Variants in NCOR1 observed in about 807,000 individuals in gnomAD.
The protein encoded by NCOR1 is protein phosphatase 1, regulatory subunit 109.
Under a neutral mutation model 288.1 loss-of-function variants are expected in NCOR1, and 63 were observed. The observed-to-expected ratio is 0.22, with a 90% confidence interval of 0.18 to 0.27. The LOEUF (loss-of-function observed/expected upper bound fraction) is 0.27, where lower values mean the gene tolerates loss of function less well. NCOR1 is among the 10% of genes least tolerant of loss of function. The pLI, the probability that NCOR1 is intolerant of heterozygous loss-of-function variation, is 1.00. For missense variants in NCOR1, 2,397 were observed against 3,019.2 expected, an observed-to-expected ratio of 0.79 and a Z score of 4.83; for synonymous variants, 1,007 against 1,065.9, an observed-to-expected ratio of 0.94 and a Z score of 1.08.
chr17:16,170,767 G>T (rs1187544933), intron 4 of NCOR1, among the ~76,000 whole-genome samples: 1 of 151,698 alleles, frequency 6.6e-6, no homozygotes, highest in Non-Finnish European at 1.5e-5. Flanking sequence ...CCAGGACCCG[G>T]GAGGCGGAGA....
chr17:16,177,511 T>C (rs1388652389), intron 3 of NCOR1, among the ~76,000 whole-genome samples: 5 of 152,194 alleles, frequency 3.3e-5, no homozygotes, highest in Non-Finnish European at 5.9e-5. Flanking sequence ...TTCTCCTTGA[T>C]TGTTCCCACT....
intron 2 of NCOR1, among the ~76,000 whole-genome samples, chr17:16,192,614 C>A (rs955170818): frequency 9.9e-5 from 15 of 152,160 alleles, no homozygotes; most frequent in African/African-American, 3.6e-4. Context: ...TCAGATGGCA[C>A]CATAGCACTC....
At chr17:16,193,048 G>T (rs1202131604) in intron 2 of NCOR1, among the ~76,000 whole-genome samples, 3 of 152,112 alleles carry the variant, frequency 2.0e-5, no homozygotes, top group Non-Finnish European at 4.4e-5. Flanking sequence ...GGACTGACAC[G>T]GGTGGGTGCC....
chr17:16,033,942 C>T (rs552379680), intron 45 of NCOR1, among the ~76,000 whole-genome samples: 5 of 152,090 alleles, frequency 3.3e-5, no homozygotes, highest in Admixed American at 6.6e-5. Context: ...GTGATCTGCC[C>T]GCCTCAGCCT....
chr17:16,083,073 A>G (rs1224694137), intron 23 of NCOR1, among the ~76,000 whole-genome samples: 1 of 152,106 alleles, frequency 6.6e-6, no homozygotes, highest in Admixed American at 6.6e-5. Flanking sequence ...TCTACTAAAA[A>G]TACAAAAAGA....
rs542075638 is a variant in NCOR1, at chr17:16,175,399, T to G, written c.243-3404A>C. On this transcript the variant is annotated intron_variant, in intron 3 of 45. Transcript: ENST00000268712. Reference sequence around the variant, plus strand: ...TAAAAAAAAAAAAACTCTGTAGGCTTGCAGACTTTGTAAAGTTCCCCATTT... The same window carrying G: ...TAAAAAAAAAAAAACTCTGTAGGCTGGCAGACTTTGTAAAGTTCCCCATTT... Among the ~76,000 whole-genome samples, 8 of 152,068 alleles carry G rather than the reference T, an allele frequency of 5.3e-5. No individual in the cohort carries two copies. The South Asian group carries it at 1.7e-3, about 32-fold the overall frequency.
At chr17:16,088,259 TATAATA>T (rs1443161167) in intron 22 of NCOR1, among the ~76,000 whole-genome samples, 1 of 152,192 alleles carries the variant, frequency 6.6e-6, no homozygotes, top group African/African-American at 2.4e-5. Flanking sequence ...GATGATATTT[TATAATA>T]ATGAGTTTTC....
chr17:16,111,306 G>A (rs1232628108), intron 18 of NCOR1, among the ~76,000 whole-genome samples: 1 of 152,122 alleles, frequency 6.6e-6, no homozygotes, highest in African/African-American at 2.4e-5. Context: ...CACAGGCCAG[G>A]CGCAGTGGCT....
intron 44 of NCOR1, among the ~76,000 whole-genome samples, chr17:16,035,530 CTTTTTTTTT>C: frequency 8.5e-6 from 1 of 118,326 alleles, no homozygotes; most frequent in East Asian, 2.5e-4. Flanking sequence ...TTCTCTTGTT[CTTTTTTTTT>C]TTTTTTTTTT....
At chr17:16,164,506 C>T (rs186470650) in intron 5 of NCOR1, among the ~76,000 whole-genome samples, 1 of 152,222 alleles carries the variant, frequency 6.6e-6, no homozygotes, top group Admixed American at 6.5e-5. Context: ...AAGACTATTT[C>T]ATATCCAACT....
chr17:16,213,155 A>G (rs2153629460), intron 1 of NCOR1, among the ~76,000 whole-genome samples: 1 of 152,206 alleles, frequency 6.6e-6, no homozygotes, highest in African/African-American at 2.4e-5. Context: ...TTAAGAGGAT[A>G]GGCAAAACAC....
At chr17:16,114,317 C>T (rs1047181261) in intron 18 of NCOR1, among the ~76,000 whole-genome samples, 6 of 152,100 alleles carry the variant, frequency 3.9e-5, no homozygotes, top group African/African-American at 1.4e-4. Context: ...GTGGGACCTA[C>T]AATTCAAGAT....
chr17:16,194,949 T>C (rs1321217014), intron 1 of NCOR1, among the ~76,000 whole-genome samples: 1 of 152,198 alleles, frequency 6.6e-6, no homozygotes, highest in Non-Finnish European at 1.5e-5. Context: ...GTCTGAGAAA[T>C]ATAAAGACAA....
intron 2 of NCOR1, among the ~76,000 whole-genome samples, chr17:16,191,443 G>A (rs1047832478): frequency 3.9e-5 from 6 of 152,156 alleles, no homozygotes; most frequent in Non-Finnish European, 8.8e-5. Flanking sequence ...AGTAAAAAAA[G>A]TATGAAACTC....
intron 3 of NCOR1, among the ~76,000 whole-genome samples, chr17:16,175,524 T>G (rs570903852): frequency 1.3e-4 from 20 of 152,262 alleles, no homozygotes; most frequent in Admixed American, 9.8e-4. Flanking sequence ...CATTCGAACT[T>G]TAAAGAATTT....
chr17:16,119,322 A>T (rs539244267), intron 17 of NCOR1, 101 bp downstream of exon 17: 4 of 874,936 alleles, frequency 4.6e-6, no homozygotes, highest in Admixed American at 2.4e-5. Context: ...TTTTTGAAAG[A>T]ATTTTTTTTC....
chr17:16,040,454 T>A lies in NCOR1; in HGVS notation c.6720A>T (p.Ala2240=). 1 of 1,613,818 alleles carries A rather than the reference T, an allele frequency of 6.2e-7. No individual in the cohort carries two copies. The highest frequency in any genetic ancestry group is 8.5e-7 in the Non-Finnish European group (1 of 1,179,906). Residue 2240 remains alanine (A), a synonymous_variant, in exon 43 of 46, where the codon GCA becomes GCT. Coordinates refer to ENST00000268712, the MANE Select transcript of NCOR1 (RefSeq NM_006311.4). ...TTTCAATCTTACCTGACGTAGTAAC[T>A]GCTGGCAGATTAAAGATCTCAGTTC... ...QPGTEIFNLP[A]VTTSGSVSSR... is the part of the protein sequence containing the mutation.
intron 19 of NCOR1, among the ~76,000 whole-genome samples, chr17:16,104,457 C>T (rs764041153): frequency 6.6e-6 from 1 of 152,156 alleles, no homozygotes; most frequent in South Asian, 2.1e-4. Flanking sequence ...CATATTCTAG[C>T]GTGAAATAGA....
chr17:16,044,149 A>G (rs2058233849), intron 42 of NCOR1, among the ~76,000 whole-genome samples: 1 of 146,678 alleles, frequency 6.8e-6, no homozygotes, highest in Admixed American at 6.9e-5. Context: ...AGCCTGGGCC[A>G]CAGAGTAAGA....
Sources: gnomAD v4.1 joint callset for allele counts (sites outside exome capture counted in the v4.1 genomes callset) on GRCh38, gnomAD v4.1.1 for gene constraint, MANE v1.5 for transcripts, NCBI Gene and HGNC (gene_info 2026-07-23, HGNC 2026-07-21) for gene names.